The following HS6ST3 variants were observed in gnomAD, a reference collection of about 807,000 sequenced individuals.
The protein encoded by HS6ST3 is heparan-sulfate 6-O-sulfotransferase 3.
A neutral mutation model predicts 36.7 loss-of-function variants in HS6ST3; 12 were observed. The observed-to-expected ratio is 0.33, with a 90% confidence interval of 0.21 to 0.53. The LOEUF (loss-of-function observed/expected upper bound fraction) is 0.53. Ranked by LOEUF, HS6ST3 falls within the 20% of genes least tolerant of loss-of-function variation. HS6ST3 has a pLI of 0.95. For synonymous variants in HS6ST3, 240 were observed against 257.5 expected (o/e 0.93, Z 0.65); for missense variants, 584 against 640.9 (o/e 0.91, Z 0.96).
intron 1 of HS6ST3, among the ~76,000 whole-genome samples, chr13:96,354,243 G>T (rs1270691095): frequency 6.6e-6 from 1 of 152,160 alleles, no homozygotes; most frequent in Non-Finnish European, 1.5e-5. Context: ...TGCAAGTACA[G>T]TTTGGGAACC....
At chr13:96,476,120 A>G (rs1047918458) in intron 1 of HS6ST3, among the ~76,000 whole-genome samples, 38 of 152,220 alleles carry the variant, frequency 2.5e-4, no homozygotes, top group African/African-American at 8.4e-4. Context: ...GTACATTCTC[A>G]TAGCTGGTGA....
chr13:96,458,314 AG>A (rs752719376), intron 1 of HS6ST3, among the ~76,000 whole-genome samples: 100 of 151,068 alleles, frequency 6.6e-4, no homozygotes, highest in African/African-American at 1.7e-3. Context: ...GTTAAAAAAA[AG>A]AGAGAGAGAG....
intron 1 of HS6ST3, among the ~76,000 whole-genome samples, chr13:96,712,665 G>T (rs141045693): frequency 6.6e-6 from 1 of 152,118 alleles, no homozygotes; most frequent in Non-Finnish European, 1.5e-5. Context: ...TTCATATGTC[G>T]ATAGGCAACT....
intron 1 of HS6ST3, among the ~76,000 whole-genome samples, chr13:96,506,563 G>A (rs1346400074): frequency 6.6e-6 from 1 of 152,092 alleles, no homozygotes; most frequent in African/African-American, 2.4e-5. Flanking sequence ...ATTGAATGCT[G>A]CCTTTCCATT....
chr13:96,283,900 C>A (rs955246859), intron 1 of HS6ST3, among the ~76,000 whole-genome samples: 2 of 152,042 alleles, frequency 1.3e-5, no homozygotes, highest in African/African-American at 4.8e-5. Flanking sequence ...TGCGGGTCAC[C>A]CTTTGACTAG....
chr13:96,592,472 T>C (rs1445692598), intron 1 of HS6ST3, among the ~76,000 whole-genome samples: 1 of 152,164 alleles, frequency 6.6e-6, no homozygotes, highest in Non-Finnish European at 1.5e-5. Context: ...AGTGTTATGA[T>C]ATTCTGTGTT....
At chr13:96,788,889 CT>C in intron 1 of HS6ST3, among the ~76,000 whole-genome samples, 1 of 151,820 alleles carries the variant, frequency 6.6e-6, no homozygotes, top group African/African-American at 2.4e-5. Flanking sequence ...ATTTTTTATC[CT>C]TTTACTTTTA....
chr13:96,717,179 G>A (rs1875720101), intron 1 of HS6ST3, among the ~76,000 whole-genome samples: 3 of 152,180 alleles, frequency 2.0e-5, no homozygotes, highest in Admixed American at 2.0e-4. Flanking sequence ...ATGTAGTCAA[G>A]AAAGAGAGAG....
At chr13:96,531,561 G>C (rs533396716) in intron 1 of HS6ST3, among the ~76,000 whole-genome samples, 1 of 152,266 alleles carries the variant, frequency 6.6e-6, no homozygotes, top group East Asian at 1.9e-4. Flanking sequence ...GCTCTCTGGT[G>C]CAGGTCAGCA....
At chr13:96,443,048 A>G (rs1213209144) in intron 1 of HS6ST3, among the ~76,000 whole-genome samples, 1 of 152,172 alleles carries the variant, frequency 6.6e-6, no homozygotes, top group Non-Finnish European at 1.5e-5. Context: ...AAGGAAAAAT[A>G]TACAAGAAAA....
At chr13:96,659,894 T>C (rs2139018543) in intron 1 of HS6ST3, among the ~76,000 whole-genome samples, 1 of 152,216 alleles carries the variant, frequency 6.6e-6, no homozygotes, top group Non-Finnish European at 1.5e-5. Flanking sequence ...AAAAGATGTG[T>C]TTTGTAACTT....
intron 1 of HS6ST3, among the ~76,000 whole-genome samples, chr13:96,215,462 C>T (rs2054420793): frequency 6.6e-6 from 1 of 152,112 alleles, no homozygotes; most frequent in African/African-American, 2.4e-5. Flanking sequence ...CATGTGTTAC[C>T]AGTCAAAATT....
rs2054558455 is a variant in HS6ST3, at chr13:96,241,288, ACTC to A, written c.707+149722_707+149724del. 2.6e-5 allele frequency among the ~76,000 whole-genome samples: 4 copies of A among 151,900 alleles called. No individual in the cohort carries two copies. The South Asian group carries it at 8.3e-4, about 31-fold the overall frequency. On this transcript the variant is annotated intron_variant, in intron 1 of 1. Transcript: ENST00000376705. ...AATTGAGTGACATTGCTATAATACAACTCCTTCCATTTCTATCACCTGTTTGTG... is the reference window on the plus strand; with the variant it reads ...AATTGAGTGACATTGCTATAATACAACTTCCATTTCTATCACCTGTTTGTG...
intron 1 of HS6ST3, among the ~76,000 whole-genome samples, chr13:96,689,642 G>A (rs188433830): frequency 5.4e-4 from 75 of 138,850 alleles, no homozygotes; most frequent in Admixed American, 2.6e-3. Context: ...ATGGAGATTG[G>A]CATATGAAAA....
At chr13:96,352,649 G>GTCAT (rs2055189432) in intron 1 of HS6ST3, among the ~76,000 whole-genome samples, 1 of 152,160 alleles carries the variant, frequency 6.6e-6, no homozygotes, top group Admixed American at 6.6e-5. Context: ...GGAGTCATAG[G>GTCAT]TCATTAGTGA....
intron 1 of HS6ST3, among the ~76,000 whole-genome samples, chr13:96,520,743 T>C (rs770865901): frequency 3.5e-4 from 54 of 152,336 alleles, no homozygotes; most frequent in South Asian, 8.3e-4. Flanking sequence ...AAGGAGGTTT[T>C]GGGCTGAGAC....
intron 1 of HS6ST3, among the ~76,000 whole-genome samples, chr13:96,117,222 A>C (rs946319063): frequency 6.6e-6 from 1 of 152,166 alleles, no homozygotes; most frequent in Admixed American, 6.5e-5. Context: ...TGTAGCATGA[A>C]AGAGAATATT....
At chr13:96,419,834 C>A (rs1424588031) in intron 1 of HS6ST3, among the ~76,000 whole-genome samples, 2 of 152,124 alleles carry the variant, frequency 1.3e-5, no homozygotes, top group Non-Finnish European at 2.9e-5. Flanking sequence ...ATGGCATTTC[C>A]CTCTTCCTAT....
At chr13:96,215,038 T>C (rs1374058418) in intron 1 of HS6ST3, among the ~76,000 whole-genome samples, 1 of 151,894 alleles carries the variant, frequency 6.6e-6, no homozygotes, top group East Asian at 1.9e-4. Flanking sequence ...TTTACCAGAG[T>C]GGGAGGGGGT....
Sources: gnomAD v4.1 joint callset for allele counts (sites outside exome capture counted in the v4.1 genomes callset) on GRCh38, gnomAD v4.1.1 for gene constraint, MANE v1.5 for transcripts, NCBI Gene and HGNC (gene_info 2026-07-23, HGNC 2026-07-21) for gene names.